The following GCHFR variants were observed in gnomAD, a reference collection of about 807,000 sequenced individuals.
GCHFR encodes the protein GTP cyclohydrolase 1 feedback regulatory protein.
In GCHFR, 12 loss-of-function variants were observed where a neutral mutation model predicts 10.6. The ratio of observed to expected loss-of-function variants is 1.13; its 90% CI spans 0.72 to 1.83. The LOEUF (loss-of-function observed/expected upper bound fraction) is 1.83. GCHFR is among the 40% of genes most tolerant of loss of function. The probability of loss-of-function intolerance (pLI) is 0.00; values close to 1 mark genes in which losing one functional copy is unlikely to be tolerated. For synonymous variants in GCHFR, 54 were observed against 43.7 expected (o/e 1.24, Z -0.93); for missense variants, 116 against 110.6 (o/e 1.05, Z -0.22).
intron 1 of GCHFR, chr15:40,765,301 C>T (rs1888924272): frequency 6.6e-6 from 1 of 152,240 alleles, no homozygotes; most frequent in Non-Finnish European, 1.5e-5. Context: ...TAGAACATTT[C>T]TAATACCCCA....
chr15:40,764,273 C>A, intron 1 of GCHFR, 57 bp downstream of exon 1: 7 of 1,472,974 alleles, frequency 4.8e-6, no homozygotes, highest in Non-Finnish European at 6.4e-6. Context: ...GGGGCTGCGA[C>A]TGCACCTTCA....
intron 2 of GCHFR, chr15:40,766,717 C>G (rs1888958316): frequency 6.6e-6 from 1 of 152,512 alleles, no homozygotes; most frequent in Non-Finnish European, 1.5e-5. Context: ...GAGCCAGGAG[C>G]TACTGGGGCT....
rs1596067539 is a variant in GCHFR, at chr15:40,766,100, C to G, written c.131+179C>G. The G allele has an allele frequency of 6.9e-6, 3 of 433,372 alleles. No homozygotes were observed. In the East Asian group the frequency reaches 1.1e-4, roughly 15 times the overall value. 26.8% of individuals were successfully genotyped at this position (433,372 alleles called of 1,614,324 possible). Reference sequence around the variant, plus strand: ...CTGTAGCCTCTCCAACATCCCCCCTCTCCCCCACGAGGCTTGCTCTGAAAG... The same window carrying G: ...CTGTAGCCTCTCCAACATCCCCCCTGTCCCCCACGAGGCTTGCTCTGAAAG... On this transcript the variant is annotated intron_variant, in intron 2 of 2. Coordinates refer to ENST00000260447, the MANE Select transcript of GCHFR (RefSeq NM_005258.3).
rs1347478323 is a variant in GCHFR at position 40,765,922 on chromosome 15, G to C, written c.131+1G>C. 4.0e-6 allele frequency: 6 copies of C among 1,513,250 alleles called. No individual in the cohort carries two copies. The African/African-American group carries it at 6.9e-5, about 17-fold the overall frequency. 93.7% of individuals were successfully genotyped at this position (1,513,250 alleles called of 1,614,324 possible). A position where few individuals can be genotyped will look rare whatever the true frequency, so the allele number is the denominator to read the frequency against. The stretch of plus-strand genomic sequence containing the variant: ...AGAGAAGAGCCTTGGGAAACAACTT[G>C]TAAGTAGCAGCCTCCCTCAGTATCC... On this transcript the variant is annotated splice_donor_variant, in intron 2 of 2. Transcript: ENST00000260447. LOFTEE classifies it high-confidence loss of function.
chr15:40,766,535 C>T (rs1888954565), intron 2 of GCHFR: 1 of 152,266 alleles, frequency 6.6e-6, no homozygotes, highest in Non-Finnish European at 1.5e-5. Context: ...TGATCCCAGC[C>T]CCTGGGTCAA....
chr15:40,767,045 A>G (rs767013108), intron 2 of GCHFR, 181 bp from the exon 3 acceptor site: 233 of 485,788 alleles, frequency 4.8e-4, no homozygotes, highest in Non-Finnish European at 7.2e-4. Context: ...TAAATGAGAT[A>G]GCTCGTGAAG....
chr15:40,764,372 C>CGGGCTCAGCTCGGCTTCCG, intron 1 of GCHFR, 156 bp downstream of exon 1: 1 of 569,910 alleles, frequency 1.8e-6, no homozygotes, highest in East Asian at 3.5e-5. Flanking sequence ...AGTGGAGAAG[C>CGGGCTCAGCTCGGCTTCCG]GGGCTCAGCT....
At position 40,767,561 on chromosome 15, in the gene GCHFR, C is replaced by T; in HGVS notation, c.*212C>T. The T allele has an allele frequency of 1.6e-6, 1 of 616,714 alleles. No individual in the cohort carries two copies. Among genetic ancestry groups the T allele is most frequent in the Non-Finnish European group, 2.7e-6 (1 of 376,218 alleles). 38.2% of individuals were successfully genotyped at this position (616,714 alleles called of 1,614,324 possible). A position where few individuals can be genotyped will look rare whatever the true frequency, so the allele number is the denominator to read the frequency against. Reference sequence around the variant, plus strand: ...GTGCCCGGTGCCCTGGTGCTCCCAGCTGCCCTCCTGCTTCGGGCCTGGGCC... The same window carrying T: ...GTGCCCGGTGCCCTGGTGCTCCCAGTTGCCCTCCTGCTTCGGGCCTGGGCC... On this transcript the variant is annotated 3_prime_UTR_variant, in exon 3 of 3. Transcript: ENST00000260447.
chr15:40,764,230 G>A lies in GCHFR; in HGVS notation c.36+14G>A. 1.9e-6 allele frequency: 3 copies of A among 1,549,500 alleles called. No individual in the cohort carries two copies. The highest frequency in any genetic ancestry group is 2.4e-5 in the East Asian group (1 of 40,912). On this transcript the variant is annotated intron_variant, in intron 1 of 2. Transcript: ENST00000260447. Reference sequence around the variant, plus strand: ...CAGATCCGCATGGTGAGTACCGGCCGCCTGGCGACTTGGAGCCGGGACCAG... The same window carrying A: ...CAGATCCGCATGGTGAGTACCGGCCACCTGGCGACTTGGAGCCGGGACCAG...
At position 40,767,632 on chromosome 15, in the gene GCHFR, G is replaced by A. The variant is rs1233670185; in HGVS notation, c.*283G>A. On this transcript the variant is annotated 3_prime_UTR_variant, in exon 3 of 3. Coordinates refer to ENST00000260447, the MANE Select transcript of GCHFR (RefSeq NM_005258.3). ...GTTCCTCGGGCAGCTGCCCCGGGCC[G>A]GAGCTGGGCACTCCAGCGGCCCTGG... 25 of 578,828 alleles carry A rather than the reference G, an allele frequency of 4.3e-5. No individual in the cohort carries two copies. In the East Asian group the frequency reaches 7.7e-4, roughly 18 times the overall value. 35.9% of individuals were successfully genotyped at this position (578,828 alleles called of 1,614,324 possible).
rs1396375011 is a variant in GCHFR at position 40,764,123 on chromosome 15, C to T, written c.-58C>T. ...CGTCGCAGTCCCGACGCGAGAAGGG[C>T]TGGAGTCGGCGTCCAGCCTAGAGCC... On this transcript the variant is annotated 5_prime_UTR_variant, in exon 1 of 3. Transcript: ENST00000260447. 16 of 1,503,064 alleles carry T rather than the reference C, an allele frequency of 1.1e-5. No individual in the cohort carries two copies. Among genetic ancestry groups the T allele is most frequent in the South Asian group, 7.3e-5 (6 of 82,462 alleles). The allele number at this position is 1,503,064 out of a possible 1,614,324, so 93.1% of individuals were successfully genotyped here.
At chr15:40,765,200 T>C (rs1888922007) in intron 1 of GCHFR, 1 of 152,260 alleles carries the variant, frequency 6.6e-6, no homozygotes, top group Non-Finnish European at 1.5e-5. Context: ...GTAATGTGCA[T>C]ACCATAAATT....
intron 2 of GCHFR, chr15:40,766,164 G>A (rs981069348): frequency 1.5e-5 from 5 of 343,428 alleles, no homozygotes; most frequent in African/African-American, 2.1e-5. Flanking sequence ...AACAGAGTCC[G>A]TTCCCTGGGT....
At position 40,767,366 on chromosome 15, in the gene GCHFR, T is replaced by G. The variant is rs1888973684; in HGVS notation, c.*17T>G. 1 of 1,590,432 alleles carries G rather than the reference T, an allele frequency of 6.3e-7. No individual in the cohort carries two copies. The highest frequency in any genetic ancestry group is 8.6e-7 in the Non-Finnish European group (1 of 1,169,486). On this transcript the variant is annotated 3_prime_UTR_variant, in exon 3 of 3. Transcript: ENST00000260447. ...AAGGAGTGACCTTCTCATGCTGATT[T>G]GCAGACGGGGCACCCCTGTGGAGGG...
chr15:40,767,083 G>A (rs1014844679), intron 2 of GCHFR, 143 bp from the exon 3 acceptor site: 45 of 705,062 alleles, frequency 6.4e-5, no homozygotes, highest in East Asian at 1.5e-4. Context: ...GGCAGGGGGC[G>A]TGCACTTACC....
In GCHFR at chr15:40,764,160, C is replaced by A; in HGVS notation, c.-21C>A. On this transcript the variant is annotated 5_prime_UTR_variant, in exon 1 of 3. Transcript: ENST00000260447. ...TCCAGCCTAGAGCCCCCGGTGGGAG[C>A]CAGGCCGGGACGCGTGCACCATGCC... 1 of 1,545,660 alleles carries A rather than the reference C, an allele frequency of 6.5e-7. No homozygotes were observed. The highest frequency in any genetic ancestry group is 8.7e-7 in the Non-Finnish European group (1 of 1,146,574).
At position 40,765,810 on chromosome 15, in the gene GCHFR, T is replaced by C. The variant is rs780167923; in HGVS notation, c.37-17T>C. On this transcript the variant is annotated splice_polypyrimidine_tract_variant and intron_variant, in intron 1 of 2. Coordinates refer to ENST00000260447, the MANE Select transcript of GCHFR (RefSeq NM_005258.3). The stretch of plus-strand genomic sequence containing the variant: ...TCCTGGCAGCCAGCCAAGCAGCCAC[T>C]GTGGCTTACCTTGCAGGAGGTGGGC... 18 of 1,444,584 alleles carry C rather than the reference T, an allele frequency of 1.2e-5. No homozygotes were observed. The highest frequency in any genetic ancestry group is 1.6e-5 in the Non-Finnish European group (17 of 1,051,678). The allele number at this position is 1,444,584 out of a possible 1,614,324, so 89.5% of individuals were successfully genotyped here. A position where few individuals can be genotyped will look rare whatever the true frequency, so the allele number is the denominator to read the frequency against.
intron 1 of GCHFR, chr15:40,765,101 A>G (rs769572914): frequency 6.6e-6 from 1 of 152,228 alleles, no homozygotes; most frequent in Non-Finnish European, 1.5e-5. Context: ...CAGACCTCCT[A>G]AAACTCTGTC....
chr15:40,764,343 C>T, intron 1 of GCHFR, 127 bp downstream of exon 1: 1 of 759,204 alleles, frequency 1.3e-6, no homozygotes, highest in Non-Finnish European at 1.9e-6. Context: ...CAGACACGCC[C>T]CCTTGGCCGG....
Sources: allele counts gnomAD v4.1 joint callset, GRCh38; gene constraint gnomAD v4.1.1; transcripts MANE v1.5; gene names NCBI Gene and HGNC (gene_info 2026-07-23, HGNC 2026-07-21).